The following TAF5 variants were observed in gnomAD, a reference collection of about 807,000 sequenced individuals.
TAF5 encodes transcription initiation factor TFIID subunit 5.
In TAF5, 20 loss-of-function variants were observed where a neutral mutation model predicts 80.9. The observed-to-expected ratio is 0.25, with a 90% CI of 0.17 to 0.36. The LOEUF (loss-of-function observed/expected upper bound fraction) is 0.36. Among genes scored for constraint, TAF5 ranks in the 10% least tolerant of loss-of-function variants. The probability of loss-of-function intolerance (pLI) is 1.00; values close to 1 mark genes in which losing one functional copy is unlikely to be tolerated. For synonymous variants in TAF5, 388 were observed against 406.4 expected (o/e 0.95, Z 0.55); for missense variants, 863 against 1,029.4 (o/e 0.84, Z 2.21).
At chr10:103,382,965 G>A (rs986008735) in intron 6 of TAF5, among the ~76,000 whole-genome samples, 4 of 152,078 alleles carry the variant, frequency 2.6e-5, no homozygotes, top group Non-Finnish European at 5.9e-5. Flanking sequence ...TTCATTTTGT[G>A]AAACACTGTG....
chr10:103,387,743 G>C, intron 10 of TAF5, 45 bp downstream of exon 10: 1 of 1,565,048 alleles, frequency 6.4e-7, no homozygotes, highest in Non-Finnish European at 8.7e-7. Context: ...ATGTTAAGAG[G>C]AAACAGTGTT....
Position 103,381,764 on chromosome 10 carries a change from C to G in TAF5, c.1457C>G (p.Ala486Gly), listed in dbSNP as rs1422125740. 6.2e-7 allele frequency: 1 copy of G among 1,614,126 alleles called. No individual in the cohort carries two copies. Among genetic ancestry groups the G allele is most frequent in the Admixed American group, 1.7e-5 (1 of 60,008 alleles). The change falls in exon 6 of 11, where the codon GCT becomes GGT. Residue 486 changes from alanine to glycine, a missense_variant. Around this residue, in one of 3 missense-constraint regions of TAF5, gnomAD observed 368 missense variants for 461.7 expected, o/e 0.80. Transcript: ENST00000369839. The stretch of plus-strand genomic sequence containing the variant: ...GTCACTGATGATTCTAGTCTGATTG[C>G]TGGAGGTTTTGCAGATTCAACTGTC... ...VDVTDDSSLIAGGFADSTVRV... is the reference protein window; with the variant it reads ...VDVTDDSSLIGGGFADSTVRV...
At chr10:103,369,009 T>C (rs938758841) in intron 1 of TAF5, among the ~76,000 whole-genome samples, 12 of 152,050 alleles carry the variant, frequency 7.9e-5, no homozygotes, top group Non-Finnish European at 1.3e-4. Flanking sequence ...GACGGAAACT[T>C]GCTCTGTTGC....
In TAF5 at chr10:103,368,034, A is replaced by G. The variant is rs1164015539; in HGVS notation, c.45A>G (p.Leu15=). Residue 15 remains leucine (L), a synonymous_variant, in exon 1 of 11, where the codon CTA becomes CTG. Transcript: ENST00000369839. ...AEEQTEVAVK[L]EPEGPPTLLP... ...AGCAGACGGAGGTGGCGGTCAAGCT[A>G]GAGCCTGAGGGACCGCCAACGCTGC... 2.1e-6 allele frequency: 3 copies of G among 1,462,210 alleles called. No individual in the cohort carries two copies. Among genetic ancestry groups the G allele is most frequent in the Non-Finnish European group, 2.7e-6 (3 of 1,112,308 alleles). 90.6% of individuals were successfully genotyped at this position (1,462,210 alleles called of 1,614,324 possible). A position where few individuals can be genotyped will look rare whatever the true frequency, so the allele number is the denominator to read the frequency against.
At chr10:103,381,166 CT>C (rs1384406132) in intron 5 of TAF5, among the ~76,000 whole-genome samples, 1 of 152,030 alleles carries the variant, frequency 6.6e-6, no homozygotes, top group African/African-American at 2.4e-5. Flanking sequence ...CCAGGCTGGA[CT>C]TGAATTCCTG....
intron 3 of TAF5, 102 bp from the exon 4 acceptor site, chr10:103,379,506 T>C: frequency 1.9e-6 from 2 of 1,045,072 alleles, no homozygotes; most frequent in Non-Finnish European, 2.7e-6. Context: ...TGCTTCAGAG[T>C]GTAAATTACT....
chr10:103,372,061 C>T (rs958560776), intron 1 of TAF5, among the ~76,000 whole-genome samples: 9 of 151,398 alleles, frequency 5.9e-5, no homozygotes, highest in South Asian at 2.1e-4. Context: ...CTTTGCCTCC[C>T]GAGTAGCTGG....
Position 103,368,004 on chromosome 10 carries a change from G to C in TAF5, c.15G>C (p.Ala5=). The C allele has an allele frequency of 3.4e-6, 5 of 1,460,930 alleles. No homozygotes were observed. The highest frequency in any genetic ancestry group is 4.5e-6 in the Non-Finnish European group (5 of 1,113,246). 90.5% of individuals were successfully genotyped at this position (1,460,930 alleles called of 1,614,324 possible). A position where few individuals can be genotyped will look rare whatever the true frequency, so the allele number is the denominator to read the frequency against. ...TCAGCCGCAAGATGGCGGCGCTGGC[G>C]GAGGAGCAGACGGAGGTGGCGGTCA... is the stretch of plus-strand genomic sequence containing the variant. The part of the protein sequence containing the change: MAAL[A]EEQTEVAVKL... Residue 5 remains alanine, a synonymous_variant, in exon 1 of 11, where the codon GCG becomes GCC. Transcript: ENST00000369839.
intron 2 of TAF5, among the ~76,000 whole-genome samples, chr10:103,375,769 G>A (rs1296838404): frequency 6.6e-6 from 1 of 152,014 alleles, no homozygotes; most frequent in Admixed American, 6.6e-5. Flanking sequence ...TATTTAAGAA[G>A]GAGGCAGGCT....
rs1564742007 is a variant in TAF5, at chr10:103,368,204, CCGCTGCCCCGG to C, written c.218_228del (p.Ala73GlyfsTer17). 1 of 1,405,416 alleles carries C rather than the reference CCGCTGCCCCGG, an allele frequency of 7.1e-7. No homozygotes were observed. 87.1% of individuals were successfully genotyped at this position (1,405,416 alleles called of 1,614,324 possible). A position where few individuals can be genotyped will look rare whatever the true frequency, so the allele number is the denominator to read the frequency against. ...CCCAAGCCCACGGTGGCTGTCTCCG[CCGCTGCCCCGG>C]CGGGGGCGGCCCCGGTGCCCGCCGC... On this transcript the variant is annotated frameshift_variant, in exon 1 of 11. Coordinates refer to ENST00000369839, the MANE Select transcript of TAF5 (RefSeq NM_006951.5). LOFTEE classifies it high-confidence loss of function.
intron 1 of TAF5, among the ~76,000 whole-genome samples, chr10:103,371,682 C>A (rs1039915925): frequency 6.6e-6 from 1 of 152,154 alleles, no homozygotes; most frequent in African/African-American, 2.4e-5. Flanking sequence ...CCCTTAAGTA[C>A]TTACATTTTG....
At chr10:103,380,241 G>T (rs532741844) in intron 5 of TAF5, among the ~76,000 whole-genome samples, 7 of 151,494 alleles carry the variant, frequency 4.6e-5, no homozygotes, top group Middle Eastern at 3.4e-3. Context: ...CCATTCTTCT[G>T]CCTCAGCTTC....
Position 103,378,352 on chromosome 10 carries a change from T to C in TAF5, c.915T>C (p.Phe305=). 6.2e-7 allele frequency: 1 copy of C among 1,614,204 alleles called. No individual in the cohort carries two copies. Among genetic ancestry groups the C allele is most frequent in the African/African-American group, 1.3e-5 (1 of 75,044 alleles). The change falls in exon 3 of 11, where the codon TTT becomes TTC. Residue 305 remains phenylalanine, a synonymous_variant. Transcript: ENST00000369839. This position sits in a 1 kb window ranked among gnomAD's most constrained non-coding sequence, Gnocchi z 4.1. Reference sequence around the variant, plus strand: ...TGTTGGATTTTCGAACAAGTAAATTTGTTCTGCGTATTTCCCGTGACTCGT... The same window carrying C: ...TGTTGGATTTTCGAACAAGTAAATTCGTTCTGCGTATTTCCCGTGACTCGT... ...ETMLDFRTSK[F]VLRISRDSYQ...
At chr10:103,383,057 C>T (rs377752490) in intron 6 of TAF5, among the ~76,000 whole-genome samples, 181 bp from the exon 7 acceptor site, 4 of 152,264 alleles carry the variant, frequency 2.6e-5, no homozygotes, top group East Asian at 3.9e-4. Flanking sequence ...CTGTTCTGAA[C>T]GTCATTTTCT....
At chr10:103,368,700 G>C in intron 1 of TAF5, 152 bp downstream of exon 1, 1 of 1,108,618 alleles carries the variant, frequency 9.0e-7, no homozygotes, top group South Asian at 2.0e-5. Flanking sequence ...CTAGTGCGCG[G>C]GCTGCGCAGT....
In TAF5 at chr10:103,387,708, T is replaced by C. The variant is rs758548205; in HGVS notation, c.2185+10T>C. The C allele has an allele frequency of 6.9e-6, 11 of 1,605,420 alleles. No individual in the cohort carries two copies. In the Admixed American group the frequency reaches 1.9e-4, roughly 27 times the overall value. The stretch of plus-strand genomic sequence containing the variant: ...GAAATTTTGGCATCAGGTAAATGAC[T>C]ATTAATGGCTTTACGATAAATGCTA... On this transcript the variant is annotated intron_variant, in intron 10 of 10. Transcript: ENST00000369839.
Position 103,381,824 on chromosome 10 carries a change from G to C in TAF5, c.1517G>C (p.Ser506Thr), listed in dbSNP as rs1269703205. 6.2e-7 allele frequency: 1 copy of C among 1,614,194 alleles called. No homozygotes were observed. The highest frequency in any genetic ancestry group is 1.1e-5 in the South Asian group (1 of 91,084). Residue 506 changes from serine (S) to threonine (T), a missense_variant, in exon 6 of 11, where the codon AGT (serine) becomes ACT (threonine). Ser to Thr is a moderately conservative substitution (Grantham distance 58). Transcript: ENST00000369839. Reference sequence around the variant, plus strand: ...TCGGTAACACCCAAAAAGCTTCGTAGTGTCAAACAAGCATCAGGTAACTGA... The same window carrying C: ...TCGGTAACACCCAAAAAGCTTCGTACTGTCAAACAAGCATCAGGTAACTGA... The part of the protein sequence containing the change: ...VWSVTPKKLR[S>T]VKQASDLSLI...
intron 8 of TAF5, among the ~76,000 whole-genome samples, chr10:103,386,358 T>G (rs1235037337): frequency 2.0e-5 from 3 of 151,886 alleles, no homozygotes; most frequent in Non-Finnish European, 4.4e-5. Context: ...CAGAATTGCT[T>G]GAACCCAGGA....
At position 103,378,782 on chromosome 10, in the gene TAF5, C is replaced by T. The variant is rs994857866; in HGVS notation, c.1113+232C>T. Among the ~76,000 whole-genome samples the T allele has an allele frequency of 2.0e-5, 3 of 152,024 alleles. No homozygotes were observed. Among genetic ancestry groups the T allele is most frequent in the African/African-American group, 4.8e-5 (2 of 41,388 alleles). On this transcript the variant is annotated intron_variant, in intron 3 of 10. Coordinates refer to ENST00000369839, the MANE Select transcript of TAF5 (RefSeq NM_006951.5). This position sits in a 1 kb window ranked among gnomAD's most constrained non-coding sequence, Gnocchi z 4.1. The stretch of plus-strand genomic sequence containing the variant: ...AAGTGATTCTCCTGCCTCAGCTTCC[C>T]GAGTAGCTGGGATTAGAGGCACACG...
Sources: gnomAD v4.1 joint callset for allele counts (sites outside exome capture counted in the v4.1 genomes callset) on GRCh38, gnomAD v4.1.1 for gene constraint, gnomAD v4.1.1 regional missense constraint, Gnocchi (gnomAD v3.1) non-coding constraint, MANE v1.5 for transcripts, NCBI Gene and HGNC (gene_info 2026-07-23, HGNC 2026-07-21) for gene names.